The following LIMK2 variants were observed in gnomAD, a reference collection of about 807,000 sequenced individuals.
LIMK2 encodes LIM domain kinase 2.
LIMK2 carries 35 observed loss-of-function variants against 75.7 expected under a neutral mutation model. The ratio of observed to expected loss-of-function variants is 0.46; its 90% CI spans 0.35 to 0.61. The LOEUF (loss-of-function observed/expected upper bound fraction) is 0.61. LIMK2 is among the 20% of genes least tolerant of loss of function. LIMK2 has a pLI of 0.00. For missense variants in LIMK2, 623 were observed against 831.0 expected (o/e 0.75, Z 3.08); for synonymous variants, 301 against 319.2 (o/e 0.94, Z 0.61).
chr22:31,238,695 A>G (rs2048600520), intron 2 of LIMK2, among the ~76,000 whole-genome samples: 1 of 152,120 alleles, frequency 6.6e-6, no homozygotes. Flanking sequence ...TTGACCTGTA[A>G]TGGGTATGGA....
At chr22:31,243,292 G>A (rs920529188) in intron 2 of LIMK2, among the ~76,000 whole-genome samples, 6 of 152,178 alleles carry the variant, frequency 3.9e-5, no homozygotes, top group African/African-American at 4.8e-5. Context: ...GAGGAGTGGG[G>A]CACGAAAGAT....
Position 31,267,625 on chromosome 22 carries a change from C to T in LIMK2, c.1129-151C>T, listed in dbSNP as rs555399749. On this transcript the variant is annotated intron_variant, in intron 9 of 15. Transcript: ENST00000331728. ...TCCATCTATATGGTGGTGGTCTTCC[C>T]TCATCCTGATCTTAGTGCCCTGTCA... 3 of 798,474 alleles carry T rather than the reference C, an allele frequency of 3.8e-6. No individual in the cohort carries two copies. The East Asian group carries it at 8.2e-5, about 22-fold the overall frequency. The allele number at this position is 798,474 out of a possible 1,614,324, so 49.5% of individuals were successfully genotyped here.
At chr22:31,248,301 GC>G (rs2048689741) in intron 2 of LIMK2, 1 of 1,178,706 alleles carries the variant, frequency 8.5e-7, no homozygotes, top group Non-Finnish European at 1.1e-6. Context: ...TTCTGCGGGA[GC>G]CCCTCCTCTT....
intron 2 of LIMK2, among the ~76,000 whole-genome samples, chr22:31,235,024 C>A (rs1055885003): frequency 6.6e-6 from 1 of 152,098 alleles, no homozygotes; most frequent in Non-Finnish European, 1.5e-5. Flanking sequence ...TTTTCATAGA[C>A]CTTTCCTTTG....
At chr22:31,230,584 A>G (rs1026025641) in intron 2 of LIMK2, among the ~76,000 whole-genome samples, 4 of 152,168 alleles carry the variant, frequency 2.6e-5, no homozygotes, top group Admixed American at 2.6e-4. Flanking sequence ...AACTTTCAGG[A>G]CTTCCTTTCT....
chr22:31,231,330 A>G (rs1464355164), intron 2 of LIMK2, among the ~76,000 whole-genome samples: 1 of 152,250 alleles, frequency 6.6e-6, no homozygotes, highest in Non-Finnish European at 1.5e-5. Context: ...ATGTAGAGTC[A>G]GTGGAGCAAC....
intron 2 of LIMK2, chr22:31,248,564 A>G (rs1354986550): frequency 1.9e-6 from 3 of 1,602,388 alleles, no homozygotes; most frequent in Non-Finnish European, 2.6e-6. Flanking sequence ...AGGCTCCCGC[A>G]GCTGCTCCGG....
intron 7 of LIMK2, among the ~76,000 whole-genome samples, chr22:31,263,489 T>C (rs1228766142): frequency 6.6e-6 from 1 of 152,176 alleles, no homozygotes; most frequent in African/African-American, 2.4e-5. Flanking sequence ...TAAAGTTGTA[T>C]AGTGCTGCCA....
Position 31,266,020 on chromosome 22 carries a change from G to A in LIMK2, c.929G>A (p.Ser310Asn). Residue 310 changes from serine to asparagine, a missense_variant, in exon 8 of 16, where the codon AGC becomes AAC. By Grantham distance (46) the Ser-to-Asn change is conservative (BLOSUM62 1). Transcript: ENST00000331728. The stretch of plus-strand genomic sequence containing the variant: ...CCCCTGCTGTTCAGCCGTGACATCA[G>A]CCGCTCAGAATCCCTTCGTTGTTCC... Reference protein sequence around the residue: ...KEPLLFSRDISRSESLRCSSS... With the variant: ...KEPLLFSRDINRSESLRCSSS... 6.2e-7 allele frequency: 1 copy of A among 1,614,164 alleles called. No individual in the cohort carries two copies. The highest frequency in any genetic ancestry group is 8.5e-7 in the Non-Finnish European group (1 of 1,180,012).
chr22:31,224,884 A>G (rs2123773984), intron 1 of LIMK2, among the ~76,000 whole-genome samples: 1 of 152,346 alleles, frequency 6.6e-6, no homozygotes, highest in Non-Finnish European at 1.5e-5. Flanking sequence ...GCCAACTGGT[A>G]CGGGTCTGTA....
At chr22:31,271,551 C>A (rs2048956750) in intron 12 of LIMK2, among the ~76,000 whole-genome samples, 1 of 152,254 alleles carries the variant, frequency 6.6e-6, no homozygotes, top group East Asian at 1.9e-4. Flanking sequence ...AGTGGTGGCA[C>A]CTGAAGCCTC....
chr22:31,231,173 T>C (rs561556827), intron 2 of LIMK2, among the ~76,000 whole-genome samples: 51 of 152,308 alleles, frequency 3.3e-4, no homozygotes, highest in African/African-American at 1.2e-3. Context: ...AGTTTCCTCT[T>C]ATATAATATG....
intron 2 of LIMK2, among the ~76,000 whole-genome samples, chr22:31,239,116 T>C (rs562614458): frequency 6.6e-6 from 1 of 152,338 alleles, no homozygotes; most frequent in South Asian, 2.1e-4. Flanking sequence ...ACTCTGCTGT[T>C]AGTGAACACT....
intron 2 of LIMK2, among the ~76,000 whole-genome samples, chr22:31,230,700 C>A: frequency 6.6e-6 from 1 of 152,220 alleles, no homozygotes; most frequent in East Asian, 1.9e-4. Flanking sequence ...GTGGTCACTG[C>A]ATCAGGCAAC....
At chr22:31,212,812 G>A (rs1198889397) in intron 1 of LIMK2, among the ~76,000 whole-genome samples, 1 of 152,050 alleles carries the variant, frequency 6.6e-6, no homozygotes, top group African/African-American at 2.4e-5. Flanking sequence ...CTCTTATAGT[G>A]GAAGCTCTGT....
rs1262513483 is a variant in LIMK2, at chr22:31,268,290, T to G, written c.1317+90T>G. The G allele has an allele frequency of 4.7e-6, 5 of 1,057,650 alleles. No homozygotes were observed. In the East Asian group the frequency reaches 9.4e-5, roughly 20 times the overall value. 65.5% of individuals were successfully genotyped at this position (1,057,650 alleles called of 1,614,324 possible). A position where few individuals can be genotyped will look rare whatever the true frequency, so the allele number is the denominator to read the frequency against. On this transcript the variant is annotated intron_variant, in intron 11 of 15. Coordinates refer to ENST00000331728, the MANE Select transcript of LIMK2 (RefSeq NM_005569.4). The stretch of plus-strand genomic sequence containing the variant: ...TCACTGGAAGGTAGAGACCCCTTCC[T>G]ATGCAACTTGTGTGGGCTGGGTCAG...
At chr22:31,248,561 C>T (rs757611455) in intron 2 of LIMK2, 41 of 1,600,790 alleles carry the variant, frequency 2.6e-5, no homozygotes, top group South Asian at 8.9e-5. Context: ...CTCAGGCTCC[C>T]GCAGCTGCTC....
intron 2 of LIMK2, among the ~76,000 whole-genome samples, chr22:31,257,324 C>G (rs1356675734): frequency 6.6e-6 from 1 of 151,972 alleles, no homozygotes; most frequent in African/African-American, 2.4e-5. Context: ...ACCTACATAC[C>G]TTTCACATAG....
Position 31,247,494 on chromosome 22 carries a change from T to G in LIMK2, c.117-10797T>G, listed in dbSNP as rs2267168. ...TGAGGCCAATGGATGGTGTTCTGCA[T>G]GTGAACACTCAGTGAATAGTGAGTG... On this transcript the variant is annotated intron_variant, in intron 2 of 15. Transcript: ENST00000331728. Among the ~76,000 whole-genome samples, 5,322 of 152,256 alleles carry G rather than the reference T, an allele frequency of 0.035. 478 individuals are homozygous for G. The East Asian group carries it at 0.37, about 11-fold the overall frequency.
Sources: allele counts gnomAD v4.1 joint callset (sites outside exome capture counted in the v4.1 genomes callset), GRCh38; gene constraint gnomAD v4.1.1; transcripts MANE v1.5; gene names NCBI Gene and HGNC (gene_info 2026-07-23, HGNC 2026-07-21).